The following GALC variants were observed in gnomAD, a reference collection of about 807,000 sequenced individuals.
GALC encodes galactosylceramidase, also known as galactocerebrosidase.
A neutral mutation model predicts 91.8 loss-of-function variants in GALC; 77 were observed. The observed-to-expected ratio is 0.84, with a 90% CI of 0.70 to 1.01. The LOEUF (loss-of-function observed/expected upper bound fraction) is 1.01, where lower values mean the gene tolerates loss of function less well. GALC is among the 50% of genes least tolerant of loss of function. GALC has a pLI of 0.00. For synonymous variants in GALC, 357 were observed against 306.7 expected (o/e 1.16, Z -1.71); for missense variants, 882 against 855.9 (o/e 1.03, Z -0.38).
chr14:87,964,236 T>A (rs1216197514), intron 9 of GALC, among the ~76,000 whole-genome samples: 1 of 152,102 alleles, frequency 6.6e-6, no homozygotes, highest in Non-Finnish European at 1.5e-5. Context: ...GAGGACAATT[T>A]AAGGAGTTTA....
In GALC at chr14:87,954,057, C is replaced by T. The variant is rs1022449413; in HGVS notation, c.1162-3309G>A. The stretch of plus-strand genomic sequence containing the variant: ...CCAATGGGTTGGCGAGACAGTACTA[C>T]AATCAACATTTAGCAGTCAGTTATT... On this transcript the variant is annotated intron_variant, in intron 10 of 16. Transcript: ENST00000261304. 9.3e-6 allele frequency: 15 copies of T among 1,609,798 alleles called. No homozygotes were observed. The South Asian group carries it at 1.3e-4, about 14-fold the overall frequency.
intron 8 of GALC, among the ~76,000 whole-genome samples, chr14:87,968,009 T>A (rs1886125689): frequency 6.6e-6 from 1 of 152,136 alleles, no homozygotes; most frequent in Non-Finnish European, 1.5e-5. Flanking sequence ...TGCTAAAATA[T>A]TTAGAGATAA....
intron 10 of GALC, among the ~76,000 whole-genome samples, chr14:87,958,543 T>C (rs1360977212): frequency 6.6e-6 from 1 of 152,108 alleles, no homozygotes. Flanking sequence ...AATGCAACCC[T>C]GAGCAAAAAG....
intron 10 of GALC, chr14:87,954,221 G>A (rs1314739236): frequency 1.3e-6 from 2 of 1,549,252 alleles, no homozygotes; most frequent in Non-Finnish European, 1.8e-6. Context: ...AGCCTCAGAG[G>A]GTGAACAGTA....
intron 1 of GALC, among the ~76,000 whole-genome samples, chr14:87,990,849 T>C (rs1371933525): frequency 1.3e-5 from 2 of 152,216 alleles, no homozygotes; most frequent in African/African-American, 4.8e-5. Flanking sequence ...CTAACCACAC[T>C]GCCTGAATGA....
At chr14:87,956,248 T>G (rs1885535723) in intron 10 of GALC, among the ~76,000 whole-genome samples, 2 of 151,850 alleles carry the variant, frequency 1.3e-5, no homozygotes, top group South Asian at 4.2e-4. Context: ...AGGAGCAACA[T>G]TTCAGGCTTT....
At chr14:87,988,576 T>G (rs1344262455) in intron 1 of GALC, 53 bp from the exon 2 acceptor site, 1 of 1,274,702 alleles carries the variant, frequency 7.8e-7, no homozygotes, top group African/African-American at 1.5e-5. Context: ...GTCATGAATA[T>G]CTGTCTACAG....
chr14:87,941,426 T>C lies in GALC; in HGVS notation c.1803A>G (p.Ala601=), dbSNP rs372465848. 24 of 1,609,554 alleles carry C rather than the reference T, an allele frequency of 1.5e-5. No individual in the cohort carries two copies. In the African/African-American group the frequency reaches 2.9e-4, roughly 20 times the overall value. Residue 601 remains alanine (A), a synonymous_variant, in exon 15 of 17, where the codon GCA becomes GCG. Transcript: ENST00000261304. ...CACCTGTAACCCTGTAAGATCCATTTGCAAAAATCCAGAAGAAAATTCCTC... is the reference window on the plus strand; with the variant it reads ...CACCTGTAACCCTGTAAGATCCATTCGCAAAAATCCAGAAGAAAATTCCTC... ...SARGIFFWIF[A]NGSYRVTGDL...
At chr14:87,960,762 C>T (rs1238285570) in intron 10 of GALC, among the ~76,000 whole-genome samples, 1 of 152,074 alleles carries the variant, frequency 6.6e-6, no homozygotes, top group Non-Finnish European at 1.5e-5. Context: ...GCAGGGACAA[C>T]TGGATATTAA....
At chr14:87,954,939 A>G in intron 10 of GALC, 1 of 1,512,788 alleles carries the variant, frequency 6.6e-7, no homozygotes, top group Non-Finnish European at 9.2e-7. Flanking sequence ...ACATCCGTGT[A>G]GACTCAAAGC....
At chr14:87,989,225 C>G (rs892266567) in intron 1 of GALC, among the ~76,000 whole-genome samples, 1 of 152,176 alleles carries the variant, frequency 6.6e-6, no homozygotes, top group African/African-American at 2.4e-5. Flanking sequence ...GAAACAGTAG[C>G]CTCAGGCTTG....
At chr14:87,954,130 T>A in intron 10 of GALC, 1 of 1,608,382 alleles carries the variant, frequency 6.2e-7, no homozygotes, top group Non-Finnish European at 8.5e-7. Flanking sequence ...TATTCCAGTG[T>A]AGTTAGTGAT....
intron 10 of GALC, among the ~76,000 whole-genome samples, chr14:87,957,552 C>T (rs1221030153): frequency 6.6e-6 from 1 of 152,060 alleles, no homozygotes; most frequent in East Asian, 1.9e-4. Context: ...AATGCTTTGT[C>T]AAAGATCAGT....
In GALC at chr14:87,972,766, T is replaced by TA. The variant is rs551189564; in HGVS notation, c.752+3591dup. Among the ~76,000 whole-genome samples the TA allele has an allele frequency of 9.2e-5, 14 of 151,828 alleles. No homozygotes were observed. The East Asian group carries it at 2.7e-3, about 29-fold the overall frequency. Reference sequence around the variant, plus strand: ...ATAATAGAAAACATAAATAAAGAGATAGAGAAAAATTCAGAGAAATACAAA... The same window carrying TA: ...ATAATAGAAAACATAAATAAAGAGATAAGAGAAAAATTCAGAGAAATACAAA... On this transcript the variant is annotated intron_variant, in intron 7 of 16. Coordinates refer to ENST00000261304, the MANE Select transcript of GALC (RefSeq NM_000153.4).
chr14:87,965,401 T>TAA (rs1885992096), intron 9 of GALC, 104 bp downstream of exon 9: 3 of 1,296,092 alleles, frequency 2.3e-6, no homozygotes, highest in East Asian at 2.3e-5. Flanking sequence ...AATCTATACT[T>TAA]AAAACACGCA....
chr14:87,952,102 C>A (rs1472622398), intron 10 of GALC, among the ~76,000 whole-genome samples: 4 of 151,090 alleles, frequency 2.6e-5, no homozygotes, highest in Admixed American at 6.6e-5. Context: ...AAAGAAAAAA[C>A]CAAAATAGGC....
chr14:87,951,306 A>G (rs2139965229), intron 10 of GALC, among the ~76,000 whole-genome samples: 1 of 152,020 alleles, frequency 6.6e-6, no homozygotes, highest in South Asian at 2.1e-4. Context: ...ATGAGACATA[A>G]TCCCTACTTT....
chr14:87,954,263 T>C (rs1885426341), intron 10 of GALC: 1 of 1,536,134 alleles, frequency 6.5e-7, no homozygotes, highest in South Asian at 1.1e-5. Context: ...ACCTTCAGCC[T>C]GATGTATTAG....
chr14:87,940,094 A>G (rs987317473), intron 15 of GALC, 113 bp from the exon 16 acceptor site: 3 of 831,340 alleles, frequency 3.6e-6, no homozygotes, highest in Non-Finnish European at 6.2e-6. Context: ...GTCAGCCTCA[A>G]CAGAGAGCTA....
Sources: allele counts gnomAD v4.1 joint callset (sites outside exome capture counted in the v4.1 genomes callset), GRCh38; gene constraint gnomAD v4.1.1; transcripts MANE v1.5; gene names NCBI Gene and HGNC (gene_info 2026-07-23, HGNC 2026-07-21).